Variants in MYO5C observed in about 807,000 individuals in gnomAD.
MYO5C encodes the protein myosin VC, also known as unconventional myosin-Vc.
A neutral mutation model predicts 235.7 loss-of-function variants in MYO5C; 194 were observed. That is an observed-to-expected ratio of 0.82 (90% CI 0.73 to 0.93). The LOEUF is 0.93. Ranked by LOEUF, MYO5C falls within the 40% of genes least tolerant of loss-of-function variation. The pLI is 0.00. For missense variants in MYO5C, 2,038 were observed against 2,127.2 expected (o/e 0.96, Z 0.82); for synonymous variants, 707 against 754.8 (o/e 0.94, Z 1.04).
At chr15:52,220,149 A>T (rs1351292231) in intron 30 of MYO5C, among the ~76,000 whole-genome samples, 2 of 152,232 alleles carry the variant, frequency 1.3e-5, no homozygotes, top group Non-Finnish European at 2.9e-5. Flanking sequence ...CTTAAACTGT[A>T]TCCAGACAGA....
At position 52,229,125 on chromosome 15, in the gene MYO5C, C is replaced by T. The variant is rs764764994; in HGVS notation, c.3207+8G>A. The T allele has an allele frequency of 1.1e-5, 17 of 1,613,610 alleles. 1 individual carries two copies. Among genetic ancestry groups the T allele is most frequent in the South Asian group, 4.4e-5 (4 of 91,050 alleles). On this transcript the variant is annotated splice_region_variant and intron_variant, in intron 25 of 40. Coordinates refer to ENST00000261839, the MANE Select transcript of MYO5C (RefSeq NM_018728.4). ...AGAGGGCGGGGCTGAACGTGAGAGC[C>T]GCTCTACCTTGACCTGCTTGCTCAG... is the stretch of plus-strand genomic sequence containing the variant.
At chr15:52,260,804 A>G in intron 10 of MYO5C, 58 bp downstream of exon 10, 4 of 1,562,952 alleles carry the variant, frequency 2.6e-6, no homozygotes, top group Non-Finnish European at 3.5e-6. Flanking sequence ...TGATCTAAAA[A>G]CCATGCGGCT....
intron 6 of MYO5C, among the ~76,000 whole-genome samples, chr15:52,272,363 A>G (rs1286266462): frequency 6.6e-6 from 1 of 152,230 alleles, no homozygotes; most frequent in Non-Finnish European, 1.5e-5. Context: ...TTAAAAAGTC[A>G]TTAACCTTTT....
chr15:52,284,980 C>T (rs2037230887), intron 1 of MYO5C, among the ~76,000 whole-genome samples: 1 of 151,984 alleles, frequency 6.6e-6, no homozygotes, highest in Non-Finnish European at 1.5e-5. Context: ...GCTAAGATTA[C>T]AGGTATAAGC....
At chr15:52,265,782 T>G (rs2036796327) in intron 8 of MYO5C, among the ~76,000 whole-genome samples, 1 of 152,130 alleles carries the variant, frequency 6.6e-6, no homozygotes, top group Non-Finnish European at 1.5e-5. Flanking sequence ...CCACCCTCCT[T>G]GGCCTCCCAA....
chr15:52,267,037 G>A (rs900499236), intron 8 of MYO5C, among the ~76,000 whole-genome samples: 5 of 152,208 alleles, frequency 3.3e-5, no homozygotes, highest in African/African-American at 4.8e-5. Flanking sequence ...GGGCCAACCC[G>A]GCACATGCAG....
chr15:52,210,545 G>GT (rs2035423291), intron 35 of MYO5C, among the ~76,000 whole-genome samples: 1 of 152,146 alleles, frequency 6.6e-6, no homozygotes, highest in African/African-American at 2.4e-5. Flanking sequence ...GAGAGAGAAG[G>GT]TTTTTGTACT....
intron 32 of MYO5C, among the ~76,000 whole-genome samples, chr15:52,215,890 A>G (rs556071614): frequency 8.4e-4 from 128 of 152,362 alleles, no homozygotes; most frequent in African/African-American, 3.0e-3. Flanking sequence ...ATATTATATC[A>G]TACAACAATT....
intron 38 of MYO5C, among the ~76,000 whole-genome samples, chr15:52,203,279 G>A (rs776679531): frequency 6.6e-6 from 1 of 152,086 alleles, no homozygotes; most frequent in Non-Finnish European, 1.5e-5. Flanking sequence ...AAGGAGAATA[G>A]GGTATCCATT....
At chr15:52,204,417 G>T (rs1177989942) in intron 38 of MYO5C, among the ~76,000 whole-genome samples, 1 of 151,850 alleles carries the variant, frequency 6.6e-6, no homozygotes, top group Non-Finnish European at 1.5e-5. Flanking sequence ...TCTCCTCTCT[G>T]ATACATTTCC....
chr15:52,221,286 T>A (rs1248250339), intron 29 of MYO5C, 31 bp from the exon 30 acceptor site: 8 of 1,457,338 alleles, frequency 5.5e-6, no homozygotes, highest in Non-Finnish European at 6.6e-6. Context: ...TATTAGAATA[T>A]AAAATACTTT....
intron 1 of MYO5C, among the ~76,000 whole-genome samples, chr15:52,287,760 TGAGATTGG>T (rs1394168484): frequency 6.6e-6 from 1 of 152,120 alleles, no homozygotes; most frequent in Non-Finnish European, 1.5e-5. Flanking sequence ...GTGGATCACC[TGAGATTGG>T]GAGATTGAGA....
chr15:52,235,109 A>C (rs986547789), intron 23 of MYO5C, among the ~76,000 whole-genome samples: 1 of 152,196 alleles, frequency 6.6e-6, no homozygotes, highest in African/African-American at 2.4e-5. Context: ...GCCCTAAAGG[A>C]AGTGATACCT....
Position 52,239,919 on chromosome 15 carries a change from A to G in MYO5C, c.2557-40T>C, listed in dbSNP as rs749486305. On this transcript the variant is annotated intron_variant, in intron 20 of 40. Transcript: ENST00000261839. Reference sequence around the variant, plus strand: ...TTTGTGAAACATAAACTGGATCCCAAGTGCTTCTCTAACCAACTCCTTCAA... The same window carrying G: ...TTTGTGAAACATAAACTGGATCCCAGGTGCTTCTCTAACCAACTCCTTCAA... 6 of 1,579,930 alleles carry G rather than the reference A, an allele frequency of 3.8e-6. No individual in the cohort carries two copies. In the East Asian group the frequency reaches 9.1e-5, roughly 24 times the overall value.
intron 8 of MYO5C, among the ~76,000 whole-genome samples, chr15:52,268,271 G>A (rs1427932408): frequency 1.3e-5 from 2 of 152,088 alleles, no homozygotes; most frequent in African/African-American, 4.8e-5. Flanking sequence ...TCAGCAAGAC[G>A]TAGAAATGGC....
At chr15:52,279,140 C>T in intron 3 of MYO5C, 123 bp from the exon 4 acceptor site, 1 of 976,136 alleles carries the variant, frequency 1.0e-6, no homozygotes, top group Non-Finnish European at 1.5e-6. Flanking sequence ...TTGGGCAAGT[C>T]ACTTCACGCA....
At chr15:52,256,394 A>G (rs1207150486) in intron 11 of MYO5C, among the ~76,000 whole-genome samples, 1 of 152,176 alleles carries the variant, frequency 6.6e-6, no homozygotes, top group East Asian at 1.9e-4. Flanking sequence ...GAGGGTCTGT[A>G]TCCAAGAAGG....
chr15:52,237,302 CT>C, intron 22 of MYO5C, 179 bp downstream of exon 22: 1 of 666,842 alleles, frequency 1.5e-6, no homozygotes, highest in Non-Finnish European at 2.5e-6. Flanking sequence ...CTCCCTTCCC[CT>C]AGACTCTAAT....
chr15:52,288,953 C>T (rs12907952), intron 1 of MYO5C, among the ~76,000 whole-genome samples: 8,501 of 152,148 alleles, frequency 0.056, 466 homozygotes, highest in African/African-American at 0.14. Context: ...CATCTTCTCA[C>T]GCCGCCTGCT....
Sources: gnomAD v4.1 joint callset for allele counts (sites outside exome capture counted in the v4.1 genomes callset) on GRCh38, gnomAD v4.1.1 for gene constraint, MANE v1.5 for transcripts, NCBI Gene and HGNC (gene_info 2026-07-23, HGNC 2026-07-21) for gene names.